Variants in SPAG16 observed in about 807,000 individuals in gnomAD.
SPAG16 encodes sperm-associated antigen 16 protein.
In SPAG16, 86 loss-of-function variants were observed where a neutral mutation model predicts 80.4. That is an observed-to-expected ratio of 1.07 (90% CI 0.90 to 1.28). The LOEUF is 1.28. Among genes scored for constraint, SPAG16 ranks in the 50% most tolerant of loss-of-function variants. SPAG16 has a pLI of 0.00. For missense variants in SPAG16, 870 were observed against 765.3 expected, an observed-to-expected ratio of 1.14 and a Z score of -1.61; for synonymous variants, 294 against 265.9, an observed-to-expected ratio of 1.11 and a Z score of -1.03.
intron 13 of SPAG16, among the ~76,000 whole-genome samples, chr2:214,043,642 G>A (rs1041615132): frequency 6.6e-6 from 1 of 152,132 alleles, no homozygotes; most frequent in South Asian, 2.1e-4. Context: ...TTACCTGGTT[G>A]CAGCTCTGGT....
intron 14 of SPAG16, among the ~76,000 whole-genome samples, chr2:214,117,006 G>T (rs1215138535): frequency 6.6e-6 from 1 of 152,072 alleles, no homozygotes; most frequent in Non-Finnish European, 1.5e-5. Flanking sequence ...ACCAAAGAGA[G>T]AAAATAAGGC....
At chr2:213,360,546 C>A (rs2065919116) in intron 7 of SPAG16, among the ~76,000 whole-genome samples, 1 of 152,190 alleles carries the variant, frequency 6.6e-6, no homozygotes, top group Non-Finnish European at 1.5e-5. Flanking sequence ...TGGAACAAGT[C>A]AAGGTTACCA....
chr2:213,362,907 C>T (rs1249840648), intron 7 of SPAG16, among the ~76,000 whole-genome samples: 2 of 152,244 alleles, frequency 1.3e-5, no homozygotes, highest in Non-Finnish European at 2.9e-5. Context: ...TCCCCCTAGG[C>T]CCCACCTCCA....
intron 13 of SPAG16, among the ~76,000 whole-genome samples, chr2:214,054,036 T>C (rs1358593787): frequency 6.6e-6 from 1 of 152,134 alleles, no homozygotes; most frequent in Non-Finnish European, 1.5e-5. Flanking sequence ...CTTGTTGCCC[T>C]GTACGGAGCC....
At chr2:213,895,988 G>A (rs1476683600) in intron 11 of SPAG16, among the ~76,000 whole-genome samples, 1 of 151,974 alleles carries the variant, frequency 6.6e-6, no homozygotes, top group Non-Finnish European at 1.5e-5. Context: ...CACAATAAAT[G>A]GAATTATCAA....
At chr2:213,465,662 G>T (rs1306309322) in intron 9 of SPAG16, among the ~76,000 whole-genome samples, 2 of 152,174 alleles carry the variant, frequency 1.3e-5, no homozygotes, top group Non-Finnish European at 2.9e-5. Context: ...GCCAGGTTTT[G>T]TGGGGTATAA....
intron 10 of SPAG16, among the ~76,000 whole-genome samples, chr2:213,718,637 C>T (rs2066361700): frequency 6.6e-6 from 1 of 152,306 alleles, no homozygotes; most frequent in Non-Finnish European, 1.5e-5. Context: ...GCACCCGGGC[C>T]AGTGGCTGCG....
chr2:213,588,359 A>G (rs528385053), intron 10 of SPAG16, among the ~76,000 whole-genome samples: 22 of 152,310 alleles, frequency 1.4e-4, no homozygotes, highest in Non-Finnish European at 2.9e-4. Flanking sequence ...GACCATTACA[A>G]TGAGGGTCTA....
chr2:213,345,556 T>C (rs1436219608), intron 6 of SPAG16, among the ~76,000 whole-genome samples: 2 of 125,776 alleles, frequency 1.6e-5, no homozygotes, highest in East Asian at 4.4e-4. Context: ...TTAATTTTTG[T>C]ATAAGGTGTG....
chr2:214,171,862 T>A (rs987904886), intron 15 of SPAG16, among the ~76,000 whole-genome samples: 59 of 151,952 alleles, frequency 3.9e-4, no homozygotes, highest in African/African-American at 1.2e-3. Flanking sequence ...TTTTTTCTTT[T>A]TAAAATACAT....
chr2:213,599,694 T>TTTTTG (rs931793009), intron 10 of SPAG16, among the ~76,000 whole-genome samples: 10 of 152,076 alleles, frequency 6.6e-5, no homozygotes, highest in African/African-American at 1.9e-4. Context: ...TGTTGTTGGT[T>TTTTTG]TTTTGTTTTG....
intron 15 of SPAG16, chr2:214,239,025 A>T (rs1257688451): frequency 1.3e-5 from 2 of 152,122 alleles, no homozygotes; most frequent in East Asian, 3.9e-4. Context: ...ATTTTGGTTT[A>T]AAAAACTCAT....
intron 15 of SPAG16, among the ~76,000 whole-genome samples, chr2:214,165,343 T>C (rs1006329521): frequency 6.6e-6 from 1 of 152,030 alleles, no homozygotes. Context: ...AATAATACAC[T>C]GTATCTGCAT....
rs374727351 is a variant in SPAG16 at position 213,427,946 on chromosome 2, T to C, written c.942+52827T>C. 3.9e-5 allele frequency among the ~76,000 whole-genome samples: 6 copies of C among 152,186 alleles called. No individual in the cohort carries two copies. The East Asian group carries it at 9.6e-4, about 24-fold the overall frequency. On this transcript the variant is annotated intron_variant, in intron 9 of 15. Transcript: ENST00000331683. ...ACATTGTATTTCCTAATTGTGATAT[T>C]GAGGGAAATAGTACTAAATAGAGAA...
intron 13 of SPAG16, among the ~76,000 whole-genome samples, chr2:214,035,741 G>A (rs939521860): frequency 6.6e-6 from 1 of 152,226 alleles, no homozygotes; most frequent in Non-Finnish European, 1.5e-5. Flanking sequence ...CTGTAACTGT[G>A]CTCTTGCCTG....
chr2:214,177,193 C>T (rs934608149), intron 15 of SPAG16, among the ~76,000 whole-genome samples: 1 of 151,120 alleles, frequency 6.6e-6, no homozygotes, highest in East Asian at 1.9e-4. Flanking sequence ...CACCTAGACC[C>T]TATTTCCTGC....
intron 15 of SPAG16, among the ~76,000 whole-genome samples, chr2:214,218,109 G>A (rs761221537): frequency 8.5e-5 from 13 of 152,082 alleles, no homozygotes; most frequent in African/African-American, 2.7e-4. Flanking sequence ...GAGAATGATA[G>A]CATTGTTTTA....
At chr2:213,312,668 A>G (rs1310767023) in intron 4 of SPAG16, among the ~76,000 whole-genome samples, 1 of 151,774 alleles carries the variant, frequency 6.6e-6, no homozygotes, top group Admixed American at 6.6e-5. Flanking sequence ...GTAGGGTGGC[A>G]ATGAAAATGC....
intron 14 of SPAG16, among the ~76,000 whole-genome samples, chr2:214,123,867 G>A (rs1057023568): frequency 1.1e-4 from 17 of 152,136 alleles, no homozygotes; most frequent in African/African-American, 3.6e-4. Flanking sequence ...CACATAGAGT[G>A]AACTAGGAAT....
Sources: gnomAD v4.1 joint callset for allele counts (sites outside exome capture counted in the v4.1 genomes callset) on GRCh38, gnomAD v4.1.1 for gene constraint, MANE v1.5 for transcripts, NCBI Gene and HGNC (gene_info 2026-07-23, HGNC 2026-07-21) for gene names.